SLC38A8: variants seen among roughly 807,000 people sequenced by gnomAD.
SLC38A8 encodes the protein solute carrier family 38 member 8.
A neutral mutation model predicts 46.0 loss-of-function variants in SLC38A8; 65 were observed. The observed-to-expected ratio is 1.41, with a 90% CI of 1.16 to 1.74. SLC38A8 has a LOEUF of 1.74. Ranked by LOEUF, SLC38A8 falls within the 40% of genes most tolerant of loss-of-function variation. SLC38A8 has a pLI of 0.00. For synonymous variants in SLC38A8, 447 were observed against 243.7 expected (o/e 1.83, Z -7.77); for missense variants, 998 against 567.9 (o/e 1.76, Z -7.70).
rs1401006995 is a variant in SLC38A8 at position 84,016,677 on chromosome 16, G to C, written c.1004C>G (p.Pro335Arg). The change falls in exon 9 of 11, where the codon CCC (proline) becomes CGC (arginine). Residue 335 changes from proline to arginine, a missense_variant. Coordinates refer to ENST00000299709, the MANE Select transcript of SLC38A8 (RefSeq NM_001080442.3). ...CCCTGAGGGGTCGGCCAGGGCGCTG[G>C]GCCCCCATCCCCCCAAGCAGCTCCT... ...WRRSCLGGWGPSALADPSGLW... is the reference protein window; with the variant it reads ...WRRSCLGGWGRSALADPSGLW... 1.9e-6 allele frequency: 3 copies of C among 1,613,386 alleles called. No homozygotes were observed. Among genetic ancestry groups the C allele is most frequent in the African/African-American group, 2.7e-5 (2 of 74,920 alleles).
chr16:84,022,450 T>C (rs755035833), intron 7 of SLC38A8, among the ~76,000 whole-genome samples: 5 of 152,162 alleles, frequency 3.3e-5, no homozygotes, highest in Non-Finnish European at 7.3e-5. Flanking sequence ...CGGACAGCAG[T>C]CAATGTCCTT....
chr16:84,029,443 A>G, intron 6 of SLC38A8, 51 bp downstream of exon 6: 1 of 1,592,816 alleles, frequency 6.3e-7, no homozygotes, highest in South Asian at 1.1e-5. Context: ...GCAGAGAGTC[A>G]CCCACAGCCT....
chr16:84,032,033 G>C, intron 4 of SLC38A8, 65 bp from the exon 5 acceptor site: 1 of 1,392,864 alleles, frequency 7.2e-7, no homozygotes, highest in Non-Finnish European at 1.0e-6. Context: ...CACGGGGACA[G>C]TAGTGGGATC....
chr16:84,021,702 C>G (rs547715945), intron 7 of SLC38A8, among the ~76,000 whole-genome samples: 13 of 152,328 alleles, frequency 8.5e-5, no homozygotes, highest in African/African-American at 3.1e-4. Context: ...TCATCAACAC[C>G]CCACTCTTGA....
At chr16:84,020,021 G>A (rs373914757) in intron 7 of SLC38A8, among the ~76,000 whole-genome samples, 4 of 152,236 alleles carry the variant, frequency 2.6e-5, no homozygotes, top group Non-Finnish European at 4.4e-5. Context: ...GGTGTTGCAC[G>A]TTGCTGGTAA....
chr16:84,023,314 G>C (rs1020332750), intron 6 of SLC38A8, among the ~76,000 whole-genome samples: 1 of 152,094 alleles, frequency 6.6e-6, no homozygotes, highest in Non-Finnish European at 1.5e-5. Flanking sequence ...ACAGGAGCAG[G>C]ACTTGCATCA....
In SLC38A8 at chr16:84,032,343, C is replaced by G. The variant is rs112496668; in HGVS notation, c.531-375G>C. On this transcript the variant is annotated intron_variant, in intron 4 of 10. Coordinates refer to ENST00000299709, the MANE Select transcript of SLC38A8 (RefSeq NM_001080442.3). The stretch of plus-strand genomic sequence containing the variant: ...AGCTGGGATTACAGGTGTCCGCCCC[C>G]ACGCCTCGCTAATTTTTGTACTTTT... Among the ~76,000 whole-genome samples the G allele has an allele frequency of 5.4e-3, 828 of 152,316 alleles. 4 individuals carry two copies. Among genetic ancestry groups the G allele is most frequent in the Non-Finnish European group, 8.6e-3 (586 of 68,024 alleles).
At chr16:84,016,865 G>T (rs2085033207) in intron 8 of SLC38A8, 138 bp from the exon 9 acceptor site, 1 of 1,115,674 alleles carries the variant, frequency 9.0e-7, no homozygotes, top group Admixed American at 2.8e-5. Flanking sequence ...TATTCCCCAG[G>T]AGACCTTGCC....
At chr16:84,033,017 GGTGT>G (rs1316256938) in intron 4 of SLC38A8, among the ~76,000 whole-genome samples, 2 of 149,972 alleles carry the variant, frequency 1.3e-5, no homozygotes, top group African/African-American at 4.9e-5. Context: ...TGGGTAGGTG[GGTGT>G]GTATGTGTGG....
At chr16:84,016,283 G>A (rs1345786791) in intron 9 of SLC38A8, among the ~76,000 whole-genome samples, 1 of 152,194 alleles carries the variant, frequency 6.6e-6, no homozygotes, top group Non-Finnish European at 1.5e-5. Context: ...GGTGAGATTT[G>A]GGTGTGAACA....
intron 5 of SLC38A8, 86 bp from the exon 6 acceptor site, chr16:84,029,637 C>G: frequency 7.4e-7 from 1 of 1,342,878 alleles, no homozygotes; most frequent in Non-Finnish European, 1.1e-6. Flanking sequence ...TTAAAGGATG[C>G]TGGGAAAATG....
chr16:84,022,912 G>A lies in SLC38A8; in HGVS notation c.691-23C>T, dbSNP rs199746374. ...ACACTGTAAGACAGAGGGCGGCTCAGCAGGATGCTGGCTTCCCCTGGAACA... is the reference window on the plus strand; with the variant it reads ...ACACTGTAAGACAGAGGGCGGCTCAACAGGATGCTGGCTTCCCCTGGAACA... On this transcript the variant is annotated intron_variant, in intron 6 of 10. Coordinates refer to ENST00000299709, the MANE Select transcript of SLC38A8 (RefSeq NM_001080442.3). 305 of 1,535,056 alleles carry A rather than the reference G, an allele frequency of 2.0e-4. 1 individual carries two copies. In the African/African-American group the frequency reaches 2.2e-3, roughly 11 times the overall value.
chr16:84,028,771 C>A (rs1040717295), intron 6 of SLC38A8, among the ~76,000 whole-genome samples: 1 of 151,208 alleles, frequency 6.6e-6, no homozygotes, highest in African/African-American at 2.4e-5. Context: ...CTGGGGCCCG[C>A]TCACATCGGT....
intron 6 of SLC38A8, among the ~76,000 whole-genome samples, chr16:84,028,271 G>C (rs1021503319): frequency 6.6e-6 from 1 of 152,002 alleles, no homozygotes; most frequent in African/African-American, 2.4e-5. Context: ...AGGACATCGA[G>C]GCAAATCTTC....
rs539594479 is a variant in SLC38A8, at chr16:84,027,484, G to A, written c.690+2010C>T. 1.1e-4 allele frequency among the ~76,000 whole-genome samples: 16 copies of A among 152,320 alleles called. 1 individual carries two copies. Among genetic ancestry groups the A allele is most frequent in the East Asian group, 9.6e-4 (5 of 5,182 alleles). ...CTCACTGACTGGACAGGCCTGGGGC[G>A]GGGGTGCCCCATTGCCAAATGTGTT... On this transcript the variant is annotated intron_variant, in intron 6 of 10. Transcript: ENST00000299709.
At chr16:84,036,967 C>A in intron 2 of SLC38A8, 67 bp from the exon 3 acceptor site, 1 of 1,458,962 alleles carries the variant, frequency 6.9e-7, no homozygotes, top group Non-Finnish European at 9.3e-7. Context: ...AGCCAGCCAC[C>A]CCTCGGGCAC....
At chr16:84,013,363 C>A (rs960866422) in intron 9 of SLC38A8, among the ~76,000 whole-genome samples, 1 of 151,492 alleles carries the variant, frequency 6.6e-6, no homozygotes, top group Non-Finnish European at 1.5e-5. Flanking sequence ...GAGTCCATGC[C>A]TGACACCCGG....
chr16:84,030,958 G>C (rs565682058), intron 5 of SLC38A8, among the ~76,000 whole-genome samples: 132 of 152,298 alleles, frequency 8.7e-4, no homozygotes, highest in Non-Finnish European at 1.6e-3. Context: ...CCGGGATCTA[G>C]GCAGAGGCCT....
Position 84,016,747 on chromosome 16 carries a change from C to T in SLC38A8, c.954-20G>A, listed in dbSNP as rs765147902. ...ACTGACCTGGAGGCCACAGCCAACA[C>T]AGACACATGGGCATCTCAGGGGCAC... On this transcript the variant is annotated intron_variant, in intron 8 of 10. Transcript: ENST00000299709. 2 of 1,606,484 alleles carry T rather than the reference C, an allele frequency of 1.2e-6. No homozygotes were observed. The highest frequency in any genetic ancestry group is 1.3e-5 in the African/African-American group (1 of 74,906).
Sources: gnomAD v4.1 joint callset for allele counts (sites outside exome capture counted in the v4.1 genomes callset) on GRCh38, gnomAD v4.1.1 for gene constraint, MANE v1.5 for transcripts, NCBI Gene and HGNC (gene_info 2026-07-23, HGNC 2026-07-21) for gene names.